Variants in NHERF1 observed in about 807,000 individuals in gnomAD.
The protein encoded by NHERF1 is Na(+)/H(+) exchange regulatory cofactor NHE-RF1.
chr17:74,757,261 C>T, the NHERF1 span, among the ~76,000 whole-genome samples: 1 of 152,244 alleles, frequency 6.6e-6, no homozygotes, highest in African/African-American at 2.4e-5. Flanking sequence ...CCTCCTGGTT[C>T]CCACCCTACC....
At chr17:74,763,357 TG>T in the NHERF1 span, 1 of 1,610,914 alleles carries the variant, frequency 6.2e-7, no homozygotes. Flanking sequence ...TCCCCGACCC[TG>T]CCCTGCAGGT....
the NHERF1 span, among the ~76,000 whole-genome samples, chr17:74,762,595 C>T: frequency 2.0e-5 from 3 of 150,664 alleles, no homozygotes; most frequent in Non-Finnish European, 3.0e-5. The surrounding 1 kb of genome is among the most constrained non-coding windows in gnomAD (Gnocchi z 4.2). Flanking sequence ...CGCTTTGTTG[C>T]CCAGGCTGGG....
chr17:74,748,954 CCAGTA>C, the NHERF1 span: 1 of 1,606,318 alleles, frequency 6.2e-7, no homozygotes, highest in Non-Finnish European at 8.5e-7. The surrounding 1 kb of genome is among the most constrained non-coding windows in gnomAD (Gnocchi z 4.3). Flanking sequence ...GCAAGTTGGG[CCAGTA>C]CATCCGGCTG....
chr17:74,749,299 C>G, the NHERF1 span: 1 of 1,525,796 alleles, frequency 6.6e-7, no homozygotes, highest in East Asian at 2.5e-5. This position sits in a 1 kb window ranked among gnomAD's most constrained non-coding sequence, Gnocchi z 5.6. Flanking sequence ...TAAGCGGGGC[C>G]CAAGCCGCGC....
At chr17:74,758,472 G>A in the NHERF1 span, among the ~76,000 whole-genome samples, 1 of 152,188 alleles carries the variant, frequency 6.6e-6, no homozygotes. The surrounding 1 kb of genome is among the most constrained non-coding windows in gnomAD (Gnocchi z 4.3). Context: ...GCTGCCCATC[G>A]GCTGCATGGC....
At chr17:74,757,464 G>A in the NHERF1 span, among the ~76,000 whole-genome samples, 1 of 152,084 alleles carries the variant, frequency 6.6e-6, no homozygotes, top group African/African-American at 2.4e-5. Context: ...TACGCAGGGG[G>A]CCAGTGACAG....
chr17:74,750,125 T>A, the NHERF1 span, among the ~76,000 whole-genome samples: 1 of 152,192 alleles, frequency 6.6e-6, no homozygotes, highest in Admixed American at 6.5e-5. Flanking sequence ...GAGCTCACGG[T>A]GAGCCGGTGG....
At chr17:74,768,212 C>G in the NHERF1 span, 2 of 1,613,250 alleles carry the variant, frequency 1.2e-6, no homozygotes, top group Non-Finnish European at 1.7e-6. Flanking sequence ...TGGTGAGATC[C>G]GCCTCCAGTG....
chr17:74,765,575 G>A, the NHERF1 span, among the ~76,000 whole-genome samples: 7 of 141,236 alleles, frequency 5.0e-5, no homozygotes, highest in South Asian at 2.2e-4. Flanking sequence ...TTTTTTTTCC[G>A]GACACAGTCT....
At chr17:74,763,305 C>CCACTT in the NHERF1 span, 19 of 1,550,990 alleles carry the variant, frequency 1.2e-5, no homozygotes, top group Non-Finnish European at 1.7e-5. Context: ...CAACCCCCCT[C>CCACTT]CACTTACCTG....
At chr17:74,765,056 C>T in the NHERF1 span, among the ~76,000 whole-genome samples, 8 of 152,120 alleles carry the variant, frequency 5.3e-5, no homozygotes, top group Non-Finnish European at 8.8e-5. Flanking sequence ...GGAGATGGAA[C>T]AGCCACCCCT....
chr17:74,749,376 C>T, the NHERF1 span: 3 of 1,280,244 alleles, frequency 2.3e-6, no homozygotes, highest in Middle Eastern at 2.7e-4. This position sits in a 1 kb window ranked among gnomAD's most constrained non-coding sequence, Gnocchi z 5.6. Flanking sequence ...GCCCCGCGCC[C>T]GCCGTCGTTT....
the NHERF1 span, chr17:74,766,994 G>C: frequency 7.4e-6 from 12 of 1,612,556 alleles, no homozygotes; most frequent in African/African-American, 1.3e-5. Flanking sequence ...CGGGTCCCCT[G>C]TCTCTTTGGA....
At chr17:74,766,883 A>G in the NHERF1 span, 2 of 1,585,320 alleles carry the variant, frequency 1.3e-6, no homozygotes, top group African/African-American at 2.7e-5. Context: ...CCTCCTCTCC[A>G]CGCTCTATTC....
chr17:74,768,344 A>G, the NHERF1 span: 1 of 1,389,098 alleles, frequency 7.2e-7, no homozygotes, highest in African/African-American at 1.4e-5. Context: ...GCTGAGCCGC[A>G]TTCTGTTCTT....
chr17:74,762,189 C>T, the NHERF1 span: 1 of 1,613,446 alleles, frequency 6.2e-7, no homozygotes, highest in Non-Finnish European at 8.5e-7. This position sits in a 1 kb window ranked among gnomAD's most constrained non-coding sequence, Gnocchi z 4.2. Flanking sequence ...GCTTCTCGCT[C>T]TCTTCCTATC....
At chr17:74,757,541 C>G in the NHERF1 span, among the ~76,000 whole-genome samples, 15 of 152,088 alleles carry the variant, frequency 9.9e-5, no homozygotes, top group Admixed American at 2.0e-4. Flanking sequence ...TGGACACTGG[C>G]TGAGTGCCTG....
the NHERF1 span, among the ~76,000 whole-genome samples, chr17:74,753,600 G>T: frequency 6.6e-6 from 1 of 152,134 alleles, no homozygotes; most frequent in Non-Finnish European, 1.5e-5. Flanking sequence ...ATAGATGGGG[G>T]CTTCCTGGCC....
chr17:74,757,850 GTCT>G, the NHERF1 span, among the ~76,000 whole-genome samples: 1 of 152,212 alleles, frequency 6.6e-6, no homozygotes, highest in Admixed American at 6.5e-5. Context: ...TGGGGCACTG[GTCT>G]TCTTTGCATA....
Sources: allele counts gnomAD v4.1 joint callset (sites outside exome capture counted in the v4.1 genomes callset), GRCh38; gene constraint gnomAD v4.1.1; non-coding constraint Gnocchi (gnomAD v3.1); transcripts MANE v1.5; gene names NCBI Gene and HGNC (gene_info 2026-07-23, HGNC 2026-07-21).